SEMA6A: variants seen among roughly 807,000 people sequenced by gnomAD.
The protein encoded by SEMA6A is semaphorin-6A.
Under a neutral mutation model 96.8 loss-of-function variants are expected in SEMA6A, and 25 were observed. That is an observed-to-expected ratio of 0.26 (90% confidence interval 0.19 to 0.36). The LOEUF (loss-of-function observed/expected upper bound fraction) is 0.36, where lower values mean the gene tolerates loss of function less well. Ranked by LOEUF, SEMA6A falls within the 10% of genes least tolerant of loss-of-function variation. The pLI, the probability that SEMA6A is intolerant of heterozygous loss-of-function variation, is 1.00. For missense variants in SEMA6A, 1,363 were observed against 1,323.1 expected (o/e 1.03, Z -0.47); for synonymous variants, 612 against 518.0 (o/e 1.18, Z -2.46).
chr5:116,457,105 C>T (rs1755060840), intron 18 of SEMA6A, among the ~76,000 whole-genome samples: 1 of 152,176 alleles, frequency 6.6e-6, no homozygotes, highest in Non-Finnish European at 1.5e-5. Flanking sequence ...TGAACTGAAT[C>T]TGCAAATCCA....
Position 116,467,681 on chromosome 5 carries a change from G to A in SEMA6A, c.1796C>T (p.Ser599Phe). Residue 599 changes from serine (S) to phenylalanine (F), a missense_variant, in exon 18 of 19, where the codon TCT becomes TTT. Transcript: ENST00000343348. ...SDSTAQEGYE[S>F]RGGMLDWKHL... ...CTTCCAGTCCAGCATTCCTCCCCTAGACTCATACCCCTCTTGAGCCGTCGA... is the reference window on the plus strand; with the variant it reads ...CTTCCAGTCCAGCATTCCTCCCCTAAACTCATACCCCTCTTGAGCCGTCGA... The A allele has an allele frequency of 3.1e-6, 5 of 1,613,796 alleles. No homozygotes were observed. Among genetic ancestry groups the A allele is most frequent in the Non-Finnish European group, 4.2e-6 (5 of 1,179,828 alleles).
intron 10 of SEMA6A, among the ~76,000 whole-genome samples, chr5:116,485,178 T>C (rs1282988543): frequency 6.6e-6 from 1 of 152,198 alleles, no homozygotes; most frequent in African/African-American, 2.4e-5. Flanking sequence ...TGGATATTTC[T>C]TAGGGGCCGT....
intron 4 of SEMA6A, among the ~76,000 whole-genome samples, chr5:116,496,906 G>C (rs981975022): frequency 6.6e-6 from 1 of 152,150 alleles, no homozygotes; most frequent in African/African-American, 2.4e-5. Flanking sequence ...ATGTCTGTCT[G>C]AAATGGGTAA....
intron 2 of SEMA6A, chr5:116,502,552 G>T: frequency 6.3e-6 from 3 of 476,122 alleles, no homozygotes; most frequent in African/African-American, 2.0e-5. Context: ...TATAAGCCTG[G>T]ATTTATATTT....
At chr5:116,503,580 C>G (rs533138989) in intron 2 of SEMA6A, among the ~76,000 whole-genome samples, 38 of 149,194 alleles carry the variant, frequency 2.5e-4, no homozygotes, top group African/African-American at 8.9e-4. Context: ...GGTGTGATCT[C>G]GGCTTACTAC....
intron 1 of SEMA6A, among the ~76,000 whole-genome samples, chr5:116,518,405 T>G (rs941056296): frequency 3.3e-5 from 5 of 152,220 alleles, no homozygotes; most frequent in African/African-American, 1.2e-4. Context: ...ATATCACCAA[T>G]TAACCCCTAA....
rs1255347535 is a variant in SEMA6A, at chr5:116,469,360, A to T, written c.1730-1613T>A. On this transcript the variant is annotated intron_variant, in intron 17 of 18. Transcript: ENST00000343348. ...CTCATGTCATGATACAGATAAGAGA[A>T]CAGGGGAAGGAAAATCAGCCTGAGA... 5 of 152,348 alleles carry T rather than the reference A, an allele frequency of 3.3e-5. No homozygotes were observed. In the East Asian group the frequency reaches 7.7e-4, roughly 23 times the overall value. The allele number at this position is 152,348 out of a possible 1,614,324, so 9.4% of individuals were successfully genotyped here. A position where few individuals can be genotyped will look rare whatever the true frequency, so the allele number is the denominator to read the frequency against.
intron 7 of SEMA6A, among the ~76,000 whole-genome samples, chr5:116,490,386 G>T (rs141327864): frequency 2.6e-5 from 4 of 152,066 alleles, no homozygotes; most frequent in Admixed American, 6.6e-5. Context: ...ACAGGTGAGA[G>T]CTACCACTCC....
Position 116,446,918 on chromosome 5 carries a change from G to C in SEMA6A, c.2788C>G (p.Gln930Glu), listed in dbSNP as rs1249209844. The change falls in exon 19 of 19, where the codon CAG becomes GAG. Residue 930 changes from glutamine to glutamate, a missense_variant. Physicochemically the swap from Gln to Glu is conservative, Grantham distance 29. Around this residue, in one of 2 missense-constraint regions of SEMA6A, gnomAD observed 883 missense variants for 763.6 expected, o/e 1.16. Coordinates refer to ENST00000343348, the MANE Select transcript of SEMA6A (RefSeq NM_020796.5). Reference sequence around the variant, plus strand: ...TTGTTTCTTTTGAGAGTGGTGGCCTGGTGGCTTCTCGTGAGCGAGTTCGTG... The same window carrying C: ...TTGTTTCTTTTGAGAGTGGTGGCCTCGTGGCTTCTCGTGAGCGAGTTCGTG... ...YPTNSLTRSHQATTLKRNNTN... is the reference protein window; with the variant it reads ...YPTNSLTRSHEATTLKRNNTN... The C allele has an allele frequency of 1.2e-6, 2 of 1,614,012 alleles. No individual in the cohort carries two copies. The highest frequency in any genetic ancestry group is 1.7e-6 in the Non-Finnish European group (2 of 1,179,902).
chr5:116,512,951 T>A (rs1285685685), intron 1 of SEMA6A, among the ~76,000 whole-genome samples: 2 of 152,190 alleles, frequency 1.3e-5, no homozygotes, highest in Non-Finnish European at 1.5e-5. Context: ...TAAACGTTCT[T>A]TGTTTGTTTG....
intron 1 of SEMA6A, among the ~76,000 whole-genome samples, chr5:116,528,215 C>T (rs1580477974): frequency 6.6e-6 from 1 of 152,184 alleles, no homozygotes; most frequent in Non-Finnish European, 1.5e-5. Context: ...CGATTTGCTT[C>T]TCATTTCCCA....
At chr5:116,471,528 T>A (rs1756144624) in intron 17 of SEMA6A, 1 of 152,164 alleles carries the variant, frequency 6.6e-6, no homozygotes, top group African/African-American at 2.4e-5. Context: ...CTAAGTGCGG[T>A]TTTTTCCTCA....
intron 1 of SEMA6A, chr5:116,550,786 T>A (rs993543112): frequency 6.6e-6 from 1 of 152,190 alleles, no homozygotes; most frequent in African/African-American, 2.4e-5. Context: ...GGAACATTAT[T>A]CTCAGGATGA....
Position 116,556,792 on chromosome 5 carries a change from T to G in SEMA6A, c.-39+17393A>C, listed in dbSNP as rs139122808. On this transcript the variant is annotated intron_variant, in intron 1 of 18. Transcript: ENST00000343348. ...GAGTTTCAGAACTTTGGAAAACCAC[T>G]GTTACCAGTAACCATTTTTATAGAA... 8.5e-5 allele frequency among the ~76,000 whole-genome samples: 13 copies of G among 152,370 alleles called. No homozygotes were observed. In the East Asian group the frequency reaches 2.5e-3, roughly 29 times the overall value.
At chr5:116,573,200 C>A (rs1264564654) in intron 1 of SEMA6A, among the ~76,000 whole-genome samples, 2 of 152,224 alleles carry the variant, frequency 1.3e-5, no homozygotes, top group Admixed American at 6.5e-5. Context: ...CGCCCCATTG[C>A]CCCCATGGTA....
Position 116,467,436 on chromosome 5 carries a change from G to C in SEMA6A, c.1894+147C>G, listed in dbSNP as rs1755827640. ...GGATCAAGCCTCACATAGAGGATGG[G>C]GTTGCAGTCTTTTTCGAGAAACTTT... is the stretch of plus-strand genomic sequence containing the variant. On this transcript the variant is annotated intron_variant, in intron 18 of 18. Coordinates refer to ENST00000343348, the MANE Select transcript of SEMA6A (RefSeq NM_020796.5). 1.4e-5 allele frequency: 10 copies of C among 708,152 alleles called. No homozygotes were observed. The South Asian group carries it at 2.1e-4, about 15-fold the overall frequency. 43.9% of individuals were successfully genotyped at this position (708,152 alleles called of 1,614,324 possible). A position where few individuals can be genotyped will look rare whatever the true frequency, so the allele number is the denominator to read the frequency against.
chr5:116,527,136 T>C (rs1759262644), intron 1 of SEMA6A, among the ~76,000 whole-genome samples: 1 of 152,148 alleles, frequency 6.6e-6, no homozygotes, highest in South Asian at 2.1e-4. Context: ...TGATATTTAT[T>C]GTGTCTACTC....
chr5:116,554,361 G>A (rs1270830577), intron 1 of SEMA6A, among the ~76,000 whole-genome samples: 1 of 152,170 alleles, frequency 6.6e-6, no homozygotes, highest in Non-Finnish European at 1.5e-5. Flanking sequence ...ACAAGTAGGA[G>A]CAAGCCCTAT....
chr5:116,481,314 GGAACTATCTA>G (rs1185240476), intron 11 of SEMA6A, among the ~76,000 whole-genome samples: 1 of 152,280 alleles, frequency 6.6e-6, no homozygotes, highest in East Asian at 1.9e-4. Flanking sequence ...CCTGCTAGAA[GGAACTATCTA>G]GAACTATCTA....
Sources: gnomAD v4.1 joint callset for allele counts (sites outside exome capture counted in the v4.1 genomes callset) on GRCh38, gnomAD v4.1.1 for gene constraint, gnomAD v4.1.1 regional missense constraint, MANE v1.5 for transcripts, NCBI Gene and HGNC (gene_info 2026-07-23, HGNC 2026-07-21) for gene names.